COL19A1: variants seen among roughly 807,000 people sequenced by gnomAD.
COL19A1 encodes the protein collagen alpha-1(XIX) chain.
In COL19A1, 159 loss-of-function variants were observed where a neutral mutation model predicts 190.2. The observed-to-expected ratio is 0.84, with a 90% confidence interval of 0.73 to 0.95. The LOEUF is 0.95. Among genes scored for constraint, COL19A1 ranks in the 40% least tolerant of loss-of-function variants. The pLI, the probability that COL19A1 is intolerant of heterozygous loss-of-function variation, is 0.00. For synonymous variants in COL19A1, 509 were observed against 458.9 expected, an observed-to-expected ratio of 1.11 and a Z score of -1.39; for missense variants, 1,418 against 1,431.9, an observed-to-expected ratio of 0.99 and a Z score of 0.16.
intron 43 of COL19A1, 23 bp downstream of exon 43, chr6:70,180,379 G>T (rs746160146): frequency 1.2e-6 from 2 of 1,614,100 alleles, no homozygotes; most frequent in South Asian, 1.1e-5. Context: ...TTACTTTCAT[G>T]ACAGTTGTAC....
chr6:70,075,742 T>A (rs140098477), intron 15 of COL19A1, among the ~76,000 whole-genome samples: 1 of 151,158 alleles, frequency 6.6e-6, no homozygotes, highest in African/African-American at 2.4e-5. Flanking sequence ...GCACTTGAGA[T>A]AGAAGAGACA....
chr6:70,060,827 T>C (rs1780786356), intron 14 of COL19A1, among the ~76,000 whole-genome samples: 1 of 152,158 alleles, frequency 6.6e-6, no homozygotes, highest in Non-Finnish European at 1.5e-5. Context: ...CCTGAAACCA[T>C]GCCCCCATCA....
chr6:69,960,561 G>T (rs571760065), intron 10 of COL19A1, among the ~76,000 whole-genome samples: 1 of 151,702 alleles, frequency 6.6e-6, no homozygotes, highest in Non-Finnish European at 1.5e-5. Context: ...CATGGGCCAG[G>T]CTGCCTCTTC....
At chr6:69,985,304 A>G (rs1032886023) in intron 11 of COL19A1, among the ~76,000 whole-genome samples, 4 of 152,198 alleles carry the variant, frequency 2.6e-5, no homozygotes, top group Admixed American at 2.0e-4. Context: ...TCAGTTGAAA[A>G]TGACTAATGC....
chr6:70,050,456 C>G (rs1340926555), intron 14 of COL19A1, among the ~76,000 whole-genome samples: 3 of 151,892 alleles, frequency 2.0e-5, no homozygotes, highest in Non-Finnish European at 2.9e-5. Context: ...GAATAAGAAC[C>G]TTGTCTATCT....
chr6:70,108,202 C>T (rs1784082352), intron 16 of COL19A1, among the ~76,000 whole-genome samples: 1 of 152,104 alleles, frequency 6.6e-6, no homozygotes, highest in African/African-American at 2.4e-5. Context: ...TCTCATTCAT[C>T]ATTACTGGAA....
chr6:70,073,003 T>C (rs931020112), intron 15 of COL19A1, among the ~76,000 whole-genome samples: 1 of 112,956 alleles, frequency 8.9e-6, no homozygotes, highest in Non-Finnish European at 1.7e-5. Flanking sequence ...TTATTTATTA[T>C]TGAGAGAGAG....
intron 14 of COL19A1, among the ~76,000 whole-genome samples, chr6:70,057,857 A>G (rs1320728187): frequency 1.3e-5 from 2 of 152,072 alleles, no homozygotes; most frequent in East Asian, 1.9e-4. Flanking sequence ...CAGAAGTACC[A>G]AGAGAAATGC....
intron 16 of COL19A1, among the ~76,000 whole-genome samples, chr6:70,116,860 T>G (rs1478271765): frequency 5.3e-5 from 8 of 152,064 alleles, no homozygotes; most frequent in Non-Finnish European, 1.0e-4. Context: ...TTTCAAAGAT[T>G]GTTCTTGAAT....
At chr6:70,057,412 G>T (rs1162112991) in intron 14 of COL19A1, among the ~76,000 whole-genome samples, 2 of 151,950 alleles carry the variant, frequency 1.3e-5, no homozygotes, top group African/African-American at 2.4e-5. Flanking sequence ...TCATAGTCAA[G>T]AATAATTTAA....
Position 70,102,910 on chromosome 6 carries a change from T to C in COL19A1, c.1278+688T>C, listed in dbSNP as rs147640844. On this transcript the variant is annotated intron_variant, in intron 16 of 50. Transcript: ENST00000620364. ...TACTGCTACACAGAAATGTATACTATTGACTGCTCTCTCCTTGAAACTCCC... is the reference window on the plus strand; with the variant it reads ...TACTGCTACACAGAAATGTATACTACTGACTGCTCTCTCCTTGAAACTCCC... 4.2e-4 allele frequency among the ~76,000 whole-genome samples: 64 copies of C among 152,286 alleles called. 1 individual carries two copies. In the South Asian group the frequency reaches 8.7e-3, roughly 21 times the overall value.
chr6:70,000,869 A>G (rs1373590265), intron 11 of COL19A1, among the ~76,000 whole-genome samples: 1 of 152,030 alleles, frequency 6.6e-6, no homozygotes. Flanking sequence ...GCTCTTTAGT[A>G]TAATTATATC....
chr6:70,003,420 A>G (rs988179653), intron 11 of COL19A1, among the ~76,000 whole-genome samples: 2 of 152,190 alleles, frequency 1.3e-5, no homozygotes, highest in Non-Finnish European at 2.9e-5. Flanking sequence ...AGTCCTGAAT[A>G]TCCTTTTTAA....
intron 17 of COL19A1, among the ~76,000 whole-genome samples, chr6:70,127,454 G>C (rs1231449812): frequency 3.3e-5 from 5 of 152,124 alleles, no homozygotes; most frequent in African/African-American, 1.2e-4. Context: ...GGTTGACTCT[G>C]TCTCTTAAGA....
rs1768106096 is a variant in COL19A1, at chr6:70,210,237, C to T, written c.*2963C>T. 6.6e-6 allele frequency among the ~76,000 whole-genome samples: 1 copy of T among 152,110 alleles called. No individual in the cohort carries two copies. The highest frequency in any genetic ancestry group is 1.5e-5 in the Non-Finnish European group (1 of 67,990). On this transcript the variant is annotated 3_prime_UTR_variant, in exon 51 of 51. Transcript: ENST00000620364. Reference sequence around the variant, plus strand: ...CTTACATTTTATACCAAGTTCAAAACACTTTCAGATAGAAGTCTTTCTATG... The same window carrying T: ...CTTACATTTTATACCAAGTTCAAAATACTTTCAGATAGAAGTCTTTCTATG...
At chr6:70,019,717 T>C (rs749084813) in intron 11 of COL19A1, among the ~76,000 whole-genome samples, 1 of 152,164 alleles carries the variant, frequency 6.6e-6, no homozygotes, top group Non-Finnish European at 1.5e-5. Flanking sequence ...CACAGATGTA[T>C]TGTTGGTTTT....
At chr6:70,024,008 CT>C in intron 12 of COL19A1, among the ~76,000 whole-genome samples, 1 of 152,182 alleles carries the variant, frequency 6.6e-6, no homozygotes, top group South Asian at 2.1e-4. Flanking sequence ...CAGTGGTTCA[CT>C]TTTCATCTCA....
chr6:69,897,069 C>T (rs2149968641), intron 2 of COL19A1, among the ~76,000 whole-genome samples: 1 of 152,290 alleles, frequency 6.6e-6, no homozygotes, highest in South Asian at 2.1e-4. Context: ...ATCCCAAGTT[C>T]ATGAAGACTT....
At chr6:69,887,866 G>A (rs964484102) in intron 2 of COL19A1, among the ~76,000 whole-genome samples, 2 of 152,150 alleles carry the variant, frequency 1.3e-5, no homozygotes, top group African/African-American at 2.4e-5. Flanking sequence ...ACAGGAAAGA[G>A]GATGGGCCAG....
Sources: allele counts gnomAD v4.1 joint callset (sites outside exome capture counted in the v4.1 genomes callset), GRCh38; gene constraint gnomAD v4.1.1; transcripts MANE v1.5; gene names NCBI Gene and HGNC (gene_info 2026-07-23, HGNC 2026-07-21).